ESS2: variants seen among roughly 807,000 people sequenced by gnomAD.
ESS2 encodes splicing factor ESS-2 homolog.
ESS2 carries 31 observed loss-of-function variants against 52.0 expected under a neutral mutation model. The observed-to-expected ratio is 0.60, with a 90% CI of 0.45 to 0.81. The LOEUF (loss-of-function observed/expected upper bound fraction) is 0.81, where lower values mean the gene tolerates loss of function less well. Among genes scored for constraint, ESS2 ranks in the 30% least tolerant of loss-of-function variants. The pLI, the probability that ESS2 is intolerant of heterozygous loss-of-function variation, is 0.00. For synonymous variants in ESS2, 285 were observed against 259.2 expected, an observed-to-expected ratio of 1.10 and a Z score of -0.95; for missense variants, 602 against 637.2, an observed-to-expected ratio of 0.94 and a Z score of 0.59.
In ESS2 at chr22:19,132,209, G is replaced by C. The variant is rs367597828; in HGVS notation, c.*1987C>G. The stretch of plus-strand genomic sequence containing the variant: ...ACATCGATGAGATCCTCAGCCACTC[G>C]TGGCTGCAGCCCCCCAAGCCCAAAG... On this transcript the variant is annotated 3_prime_UTR_variant, in exon 10 of 10. Coordinates refer to ENST00000252137, the MANE Select transcript of ESS2 (RefSeq NM_022719.3). This position sits in a 1 kb window ranked among gnomAD's most constrained non-coding sequence, Gnocchi z 4.2. The C allele has an allele frequency of 1.1e-5, 18 of 1,612,406 alleles. No homozygotes were observed. The African/African-American group carries it at 1.9e-4, about 17-fold the overall frequency.
chr22:19,134,533 G>A, intron 9 of ESS2, 58 bp from the exon 10 acceptor site: 1 of 1,463,662 alleles, frequency 6.8e-7, no homozygotes. Flanking sequence ...GCTGCCGGCA[G>A]CAGGGCCTCC....
Position 19,139,462 on chromosome 22 carries a change from C to A in ESS2, c.688+150G>T. The A allele has an allele frequency of 2.5e-6, 3 of 1,200,124 alleles. No individual in the cohort carries two copies. In the Admixed American group the frequency reaches 5.6e-5, roughly 22 times the overall value. 74.3% of individuals were successfully genotyped at this position (1,200,124 alleles called of 1,614,324 possible). On this transcript the variant is annotated intron_variant, in intron 5 of 9. Coordinates refer to ENST00000252137, the MANE Select transcript of ESS2 (RefSeq NM_022719.3). Reference sequence around the variant, plus strand: ...CACTCACTGCTGACCTCACACAGACCTGTCCACCCTTAGACAGACCAGTAC... The same window carrying A: ...CACTCACTGCTGACCTCACACAGACATGTCCACCCTTAGACAGACCAGTAC...
rs568690991 is a variant in ESS2 at position 19,134,941 on chromosome 22, C to T, written c.1151+119G>A. On this transcript the variant is annotated intron_variant, in intron 9 of 9. Coordinates refer to ENST00000252137, the MANE Select transcript of ESS2 (RefSeq NM_022719.3). ...TGCCACAGTACCCACTGCAGAACCC[C>T]GCGGACCTGCCCTGGACTCTGCCGC... 1.4e-5 allele frequency: 13 copies of T among 911,088 alleles called. No homozygotes were observed. In the Admixed American group the frequency reaches 2.1e-4, roughly 14 times the overall value. 56.4% of individuals were successfully genotyped at this position (911,088 alleles called of 1,614,324 possible). A position where few individuals can be genotyped will look rare whatever the true frequency, so the allele number is the denominator to read the frequency against.
rs2083703269 is a variant in ESS2 at position 19,142,448 on chromosome 22, C to T, written c.400+90G>A. 6 of 1,182,520 alleles carry T rather than the reference C, an allele frequency of 5.1e-6. No individual in the cohort carries two copies. The Admixed American group carries it at 7.2e-5, about 14-fold the overall frequency. 73.3% of individuals were successfully genotyped at this position (1,182,520 alleles called of 1,614,324 possible). On this transcript the variant is annotated intron_variant, in intron 3 of 9. Coordinates refer to ENST00000252137, the MANE Select transcript of ESS2 (RefSeq NM_022719.3). ...CCCCTCAGGAACAAGATGTGGCCTG[C>T]AGCCCTCTGGACCACCCCCTCAGGG...
Position 19,131,113 on chromosome 22 carries a change from G to A in ESS2, c.*3083C>T, listed in dbSNP as rs1007534633. The A allele has an allele frequency of 2.5e-6, 1 of 400,120 alleles. No individual in the cohort carries two copies. The allele number at this position is 400,120 out of a possible 1,614,324, so 24.8% of individuals were successfully genotyped here. ...CACCAGAGTCCTGTCCTGGGGACAG[G>A]CTTCCTTCCAGCGGGCGGGGAGTGG... On this transcript the variant is annotated 3_prime_UTR_variant, in exon 10 of 10. Coordinates refer to ENST00000252137, the MANE Select transcript of ESS2 (RefSeq NM_022719.3). This position sits in a 1 kb window ranked among gnomAD's most constrained non-coding sequence, Gnocchi z 5.7.
intron 3 of ESS2, among the ~76,000 whole-genome samples, chr22:19,140,600 C>T (rs538318342): frequency 1.3e-5 from 2 of 152,136 alleles, no homozygotes; most frequent in African/African-American, 2.4e-5. Context: ...AAACACCCCC[C>T]CCTCCGACCA....
chr22:19,141,793 G>C lies in ESS2; in HGVS notation c.400+745C>G, dbSNP rs1283239310. ...ACCTGAGGTCAGGAGTTCAAGACTA[G>C]CCGGGACAACATGGCAAAACCTCGT... On this transcript the variant is annotated intron_variant, in intron 3 of 9. Coordinates refer to ENST00000252137, the MANE Select transcript of ESS2 (RefSeq NM_022719.3). 3.3e-5 allele frequency among the ~76,000 whole-genome samples: 5 copies of C among 152,238 alleles called. No homozygotes were observed. The East Asian group carries it at 9.6e-4, about 29-fold the overall frequency.
At chr22:19,140,614 C>T (rs1177590563) in intron 3 of ESS2, among the ~76,000 whole-genome samples, 1 of 152,194 alleles carries the variant, frequency 6.6e-6, no homozygotes, top group Non-Finnish European at 1.5e-5. Flanking sequence ...CCGACCAACC[C>T]TGCCACCATG....
In ESS2 at chr22:19,133,436, TG is replaced by T. The variant is rs777361931; in HGVS notation, c.*759del. The T allele has an allele frequency of 6.5e-6, 1 of 152,858 alleles. No individual in the cohort carries two copies. Among genetic ancestry groups the T allele is most frequent in the East Asian group, 1.9e-4 (1 of 5,202 alleles). 9.5% of individuals were successfully genotyped at this position (152,858 alleles called of 1,614,324 possible). Reference sequence around the variant, plus strand: ...ACTGTTATCTGGGAGCTCCTGTTGGTGGAAGTGACCAGGTGAGGCCAGGGCC... The same window carrying T: ...ACTGTTATCTGGGAGCTCCTGTTGGTGAAGTGACCAGGTGAGGCCAGGGCC... On this transcript the variant is annotated 3_prime_UTR_variant, in exon 10 of 10. Transcript: ENST00000252137.
At position 19,134,426 on chromosome 22, in the gene ESS2, G is replaced by A. The variant is rs2083545445; in HGVS notation, c.1201C>T (p.Leu401Phe). The A allele has an allele frequency of 6.3e-7, 1 of 1,596,568 alleles. No individual in the cohort carries two copies. Among genetic ancestry groups the A allele is most frequent in the Non-Finnish European group, 8.5e-7 (1 of 1,170,198 alleles). ...TACTTGCTGGCCGTCCTGCTCACAA[G>A]GCGCTGTAGGGCTGGCGACATGGCT... ...SPAMSPALQR[L>F]VSRTASKYTD... Residue 401 changes from leucine (L) to phenylalanine (F), a missense_variant, in exon 10 of 10, where the codon CTT becomes TTT. Coordinates refer to ENST00000252137, the MANE Select transcript of ESS2 (RefSeq NM_022719.3).
Position 19,142,541 on chromosome 22 carries a change from C to A in ESS2, c.397G>T (p.Asp133Tyr). The A allele has an allele frequency of 6.2e-7, 1 of 1,600,900 alleles. No homozygotes were observed. The highest frequency in any genetic ancestry group is 8.5e-7 in the Non-Finnish European group (1 of 1,175,004). Residue 133 changes from aspartate (D) to tyrosine (Y), a missense_variant, in exon 3 of 10, where the codon GAT becomes TAT. Transcript: ENST00000252137. ...KPRPRGRGLE[D>Y]GEAGEEEEKE... ...TAAAGAGGGCACCCTCACTCACCAT[C>A]CTCCAGGCCTCGGCCGCGGGGCCTG...
Position 19,131,907 on chromosome 22 carries a change from A to C in ESS2, c.*2289T>G, listed in dbSNP as rs761972241. The stretch of plus-strand genomic sequence containing the variant: ...CCTGCGGGACAGCAATGGGCGCATC[A>C]TCCTCAGCAAGACCTTCTGCGGGTC... On this transcript the variant is annotated 3_prime_UTR_variant, in exon 10 of 10. Coordinates refer to ENST00000252137, the MANE Select transcript of ESS2 (RefSeq NM_022719.3). This position sits in a 1 kb window ranked among gnomAD's most constrained non-coding sequence, Gnocchi z 5.7. The C allele has an allele frequency of 6.2e-7, 1 of 1,613,970 alleles. No homozygotes were observed. Among genetic ancestry groups the C allele is most frequent in the African/African-American group, 1.3e-5 (1 of 74,938 alleles).
At position 19,142,583 on chromosome 22, in the gene ESS2, C is replaced by G; in HGVS notation, c.355G>C (p.Val119Leu). The change falls in exon 3 of 10, where the codon GTG (valine) becomes CTG (leucine). Residue 119 changes from valine to leucine, a missense_variant. Val to Leu is a conservative substitution (Grantham distance 32, BLOSUM62 1). Coordinates refer to ENST00000252137, the MANE Select transcript of ESS2 (RefSeq NM_022719.3). ...ETPEVHAGTG[V>L]VGNKPRPRGR... ...CGGGGCCTGGGCTTGTTGCCCACCACTCCAGTGCCTGCATGCACCTCAGGG... is the reference window on the plus strand; with the variant it reads ...CGGGGCCTGGGCTTGTTGCCCACCAGTCCAGTGCCTGCATGCACCTCAGGG... 2 of 1,613,650 alleles carry G rather than the reference C, an allele frequency of 1.2e-6. No individual in the cohort carries two copies. Among genetic ancestry groups the G allele is most frequent in the South Asian group, 2.2e-5 (2 of 91,030 alleles).
chr22:19,141,896 G>A (rs2083692382), intron 3 of ESS2, among the ~76,000 whole-genome samples: 1 of 152,122 alleles, frequency 6.6e-6, no homozygotes, highest in African/African-American at 2.4e-5. Flanking sequence ...GGCTAAGGCA[G>A]GGAGAATTGC....
intron 1 of ESS2, among the ~76,000 whole-genome samples, chr22:19,143,234 C>T (rs1326983696): frequency 6.7e-6 from 1 of 149,202 alleles, no homozygotes; most frequent in Non-Finnish European, 1.5e-5. Context: ...AAAAGAAAGT[C>T]GGAGCTGCAG....
At chr22:19,137,799 C>A in intron 7 of ESS2, 1 of 985,366 alleles carries the variant, frequency 1.0e-6, no homozygotes, top group Non-Finnish European at 1.2e-6. Context: ...AGCACCAGCA[C>A]CCAAGAGCAC....
rs1569103164 is a variant in ESS2 at position 19,132,236 on chromosome 22, C to T, written c.*1960G>A. ...GGCTGCAGCCCCCCAAGCCCAAAGC[C>T]ACGTCTTCTGCCTCCTTCAAGAGGG... On this transcript the variant is annotated 3_prime_UTR_variant, in exon 10 of 10. Coordinates refer to ENST00000252137, the MANE Select transcript of ESS2 (RefSeq NM_022719.3). This position sits in a 1 kb window ranked among gnomAD's most constrained non-coding sequence, Gnocchi z 4.2. 1 of 1,612,118 alleles carries T rather than the reference C, an allele frequency of 6.2e-7. No individual in the cohort carries two copies. Among genetic ancestry groups the T allele is most frequent in the Non-Finnish European group, 8.5e-7 (1 of 1,178,644 alleles).
In ESS2 at chr22:19,130,634, C is replaced by G. The variant is rs913050727; in HGVS notation, c.*3562G>C. 3.0e-6 allele frequency: 1 copy of G among 338,646 alleles called. No homozygotes were observed. The highest frequency in any genetic ancestry group is 5.7e-6 in the Non-Finnish European group (1 of 176,910). The allele number at this position is 338,646 out of a possible 1,614,324, so 21.0% of individuals were successfully genotyped here. A position where few individuals can be genotyped will look rare whatever the true frequency, so the allele number is the denominator to read the frequency against. On this transcript the variant is annotated 3_prime_UTR_variant, in exon 10 of 10. Coordinates refer to ENST00000252137, the MANE Select transcript of ESS2 (RefSeq NM_022719.3). ...TTCAAACAGCTGCCTGTTCCCTTAA[C>G]TTGTCTTCAGATTTTGTCGACCCGA... is the stretch of plus-strand genomic sequence containing the variant.
At chr22:19,144,304 T>C in intron 1 of ESS2, 1 of 1,348,408 alleles carries the variant, frequency 7.4e-7, no homozygotes, top group Non-Finnish European at 9.5e-7. Context: ...CCGCTCTCTC[T>C]TTTCCCTGAC....
Sources: gnomAD v4.1 joint callset for allele counts (sites outside exome capture counted in the v4.1 genomes callset) on GRCh38, gnomAD v4.1.1 for gene constraint, Gnocchi (gnomAD v3.1) non-coding constraint, MANE v1.5 for transcripts, NCBI Gene and HGNC (gene_info 2026-07-23, HGNC 2026-07-21) for gene names.